Variants in ROBO2 observed in about 807,000 individuals in gnomAD.
ROBO2 encodes the protein roundabout guidance receptor 2, also known as roundabout homolog 2.
In ROBO2, 53 loss-of-function variants were observed where a neutral mutation model predicts 160.8. The observed-to-expected ratio is 0.33, with a 90% CI of 0.26 to 0.41. The LOEUF (loss-of-function observed/expected upper bound fraction) is 0.41. Ranked by LOEUF, ROBO2 falls within the 10% of genes least tolerant of loss-of-function variation. ROBO2 has a pLI of 1.00. For missense variants in ROBO2, 1,577 were observed against 1,722.4 expected, an observed-to-expected ratio of 0.92 and a Z score of 1.49; for synonymous variants, 664 against 611.7, an observed-to-expected ratio of 1.09 and a Z score of -1.26.
chr3:77,231,661 C>G (rs2087234749), intron 2 of ROBO2, among the ~76,000 whole-genome samples: 1 of 151,982 alleles, frequency 6.6e-6, no homozygotes, highest in East Asian at 1.9e-4. Flanking sequence ...AGACTTGACT[C>G]TACTGTTTTA....
At chr3:77,219,489 GTATATATATATATATA>G (rs10654899) in intron 2 of ROBO2, among the ~76,000 whole-genome samples, 1 of 111,476 alleles carries the variant, frequency 9.0e-6, no homozygotes, top group Non-Finnish European at 1.9e-5. Flanking sequence ...TATATAATCT[GTATATATATATATATA>G]TATATATATC....
intron 2 of ROBO2, among the ~76,000 whole-genome samples, chr3:76,706,412 G>A (rs2093164547): frequency 6.6e-6 from 1 of 151,902 alleles, no homozygotes. Flanking sequence ...AAGTGAAAAT[G>A]TTATCATATT....
chr3:76,908,602 G>A (rs942101993), intron 2 of ROBO2, among the ~76,000 whole-genome samples: 30 of 152,242 alleles, frequency 2.0e-4, no homozygotes, highest in Admixed American at 1.4e-3. Context: ...AATTTACTTA[G>A]ATAATCCTTT....
intron 2 of ROBO2, among the ~76,000 whole-genome samples, chr3:76,851,768 T>TA (rs2069414278): frequency 8.3e-4 from 112 of 135,030 alleles, no homozygotes; most frequent in African/African-American, 3.1e-3. Flanking sequence ...AAAAAAAATA[T>TA]TAACATGTGC....
At chr3:76,318,485 A>G (rs533059372) in intron 2 of ROBO2, among the ~76,000 whole-genome samples, 4 of 152,226 alleles carry the variant, frequency 2.6e-5, no homozygotes, top group Admixed American at 2.0e-4. Flanking sequence ...AAACATATAC[A>G]CACACATTTG....
At chr3:76,057,703 A>ATT (rs113923967) in intron 2 of ROBO2, among the ~76,000 whole-genome samples, 2 of 151,120 alleles carry the variant, frequency 1.3e-5, no homozygotes, top group East Asian at 1.9e-4. Context: ...ACAAGACCAG[A>ATT]TTTTTTTTTC....
chr3:77,227,440 T>C (rs972408923), intron 2 of ROBO2, among the ~76,000 whole-genome samples: 1 of 152,198 alleles, frequency 6.6e-6, no homozygotes, highest in Non-Finnish European at 1.5e-5. Flanking sequence ...AGGTAAATAT[T>C]GAAAAAACTC....
chr3:77,437,778 A>G lies in ROBO2; in HGVS notation c.389-39636A>G, dbSNP rs552048135. ...ACTCAAAACTCTTTTTTTAAAATCA[A>G]AAGAAGCCTTCCATCAAAAATGTCC... is the stretch of plus-strand genomic sequence containing the variant. On this transcript the variant is annotated intron_variant, in intron 2 of 25. Transcript: ENST00000461745. Among the ~76,000 whole-genome samples the G allele has an allele frequency of 2.7e-4, 41 of 152,046 alleles. 1 individual carries two copies. Among genetic ancestry groups the G allele is most frequent in the African/African-American group, 7.5e-4 (31 of 41,522 alleles).
At chr3:76,920,621 A>C (rs542490295) in intron 2 of ROBO2, among the ~76,000 whole-genome samples, 2 of 152,270 alleles carry the variant, frequency 1.3e-5, no homozygotes, top group African/African-American at 4.8e-5. Flanking sequence ...ATTTAAGTAC[A>C]TAGTCTTTCA....
intron 2 of ROBO2, among the ~76,000 whole-genome samples, chr3:77,411,925 G>A (rs2076837975): frequency 6.6e-6 from 1 of 152,086 alleles, no homozygotes; most frequent in Non-Finnish European, 1.5e-5. Context: ...ATGTTCAAAT[G>A]TTCAAATTAC....
chr3:77,188,437 C>T (rs892134423), intron 2 of ROBO2, among the ~76,000 whole-genome samples: 1 of 151,798 alleles, frequency 6.6e-6, no homozygotes, highest in African/African-American at 2.4e-5. Context: ...ACCTGCTTCT[C>T]ATCAGTGCCC....
At chr3:76,182,356 C>G (rs1701547616) in intron 2 of ROBO2, among the ~76,000 whole-genome samples, 1 of 152,084 alleles carries the variant, frequency 6.6e-6, no homozygotes, top group African/African-American at 2.4e-5. Context: ...CATATTTCTT[C>G]CTCAAATAGC....
intron 2 of ROBO2, among the ~76,000 whole-genome samples, chr3:77,107,577 G>A (rs544303078): frequency 6.6e-5 from 10 of 152,180 alleles, no homozygotes; most frequent in African/African-American, 2.4e-4. Flanking sequence ...CATAGTATTA[G>A]GTATTATAAG....
intron 2 of ROBO2, among the ~76,000 whole-genome samples, chr3:77,178,871 T>TA (rs1342949245): frequency 6.6e-6 from 1 of 152,034 alleles, no homozygotes; most frequent in Non-Finnish European, 1.5e-5. Context: ...AAGAAATACT[T>TA]ACGCTGTTCT....
At position 76,169,593 on chromosome 3, in the gene ROBO2, A is replaced by G. The variant is rs529776662; in HGVS notation, c.109+231991A>G. Among the ~76,000 whole-genome samples, 44 of 152,290 alleles carry G rather than the reference A, an allele frequency of 2.9e-4. 3 individuals are homozygous for G. The South Asian group carries it at 8.3e-3, about 29-fold the overall frequency. On this transcript the variant is annotated intron_variant, in intron 2 of 26. Transcript: ENST00000487694. ...TAGAAAATATACAATACAGGAAATA[A>G]TGTATCTCTCTGCCACTGAATCTGA...
At position 77,344,760 on chromosome 3, in the gene ROBO2, T is replaced by C. The variant is rs536815363; in HGVS notation, c.389-132654T>C. On this transcript the variant is annotated intron_variant, in intron 2 of 25. Coordinates refer to ENST00000461745, the Ensembl canonical transcript of ROBO2. ...TAAGACATTGAATGGTTGTTAAAGA[T>C]AGGTGATGAGTACTTAGGAATCTGT... is the stretch of plus-strand genomic sequence containing the variant. 9.2e-5 allele frequency among the ~76,000 whole-genome samples: 14 copies of C among 152,240 alleles called. No homozygotes were observed. In the South Asian group the frequency reaches 2.3e-3, roughly 25 times the overall value.
intron 2 of ROBO2, among the ~76,000 whole-genome samples, chr3:76,191,027 G>A (rs1048682350): frequency 6.6e-6 from 1 of 152,068 alleles, no homozygotes; most frequent in Non-Finnish European, 1.5e-5. Context: ...CATTAAGAGC[G>A]ATTAATAGTG....
intron 2 of ROBO2, among the ~76,000 whole-genome samples, chr3:76,646,244 G>A (rs901105500): frequency 2.0e-5 from 3 of 152,280 alleles, no homozygotes; most frequent in Admixed American, 6.5e-5. Flanking sequence ...GGAAGAAGGA[G>A]GCTAAGTGGA....
At chr3:76,320,910 A>C (rs571677151) in intron 2 of ROBO2, among the ~76,000 whole-genome samples, 1 of 152,314 alleles carries the variant, frequency 6.6e-6, no homozygotes, top group South Asian at 2.1e-4. Context: ...CTTCATATGG[A>C]ACAACGTAGA....
Sources: gnomAD v4.1 joint callset for allele counts (sites outside exome capture counted in the v4.1 genomes callset) on GRCh38, gnomAD v4.1.1 for gene constraint, MANE v1.5 for transcripts, NCBI Gene and HGNC (gene_info 2026-07-23, HGNC 2026-07-21) for gene names.